Variants in KCND2 observed in about 807,000 individuals in gnomAD.
The protein encoded by KCND2 is potassium voltage-gated channel subfamily D member 2, also known as A-type voltage-gated potassium channel KCND2.
In KCND2, 16 loss-of-function variants were observed where a neutral mutation model predicts 54.4. The observed-to-expected ratio is 0.29, with a 90% CI of 0.20 to 0.45. KCND2 has a LOEUF of 0.45. Ranked by LOEUF, KCND2 falls within the 20% of genes least tolerant of loss-of-function variation. The pLI is 1.00. For missense variants in KCND2, 486 were observed against 824.2 expected (o/e 0.59, Z 5.02); for synonymous variants, 317 against 310.7 (o/e 1.02, Z -0.21).
intron 1 of KCND2, among the ~76,000 whole-genome samples, chr7:120,472,396 A>G (rs1438916345): frequency 2.0e-5 from 3 of 152,104 alleles, no homozygotes; most frequent in African/African-American, 7.2e-5. Context: ...ACCTGGATTT[A>G]GAGCTCATTG....
intron 1 of KCND2, among the ~76,000 whole-genome samples, chr7:120,449,718 A>G (rs972436122): frequency 2.6e-5 from 4 of 152,252 alleles, no homozygotes; most frequent in African/African-American, 7.2e-5. Context: ...AAGATCAGAA[A>G]GTCCTTAGTT....
In KCND2 at chr7:120,528,916, T is replaced by C. The variant is rs116252551; in HGVS notation, c.1116-203987T>C. 5.3e-3 allele frequency among the ~76,000 whole-genome samples: 812 copies of C among 152,322 alleles called. 4 individuals are homozygous for C. Among genetic ancestry groups the C allele is most frequent in the African/African-American group, 0.018 (748 of 41,576 alleles). On this transcript the variant is annotated intron_variant, in intron 1 of 5. Transcript: ENST00000331113. ...CATGTTTATAAACCTATATAGCTAA[T>C]TGCTTCCTACAGTTATTTTTTCTAC... is the stretch of plus-strand genomic sequence containing the variant.
intron 1 of KCND2, among the ~76,000 whole-genome samples, chr7:120,422,098 C>T (rs1291930398): frequency 6.6e-6 from 1 of 152,162 alleles, no homozygotes; most frequent in East Asian, 1.9e-4. Context: ...ATCCTCTCAT[C>T]TGGGCCTGAC....
chr7:120,510,076 A>C (rs1424575768), intron 1 of KCND2, among the ~76,000 whole-genome samples: 1 of 152,116 alleles, frequency 6.6e-6, no homozygotes, highest in Non-Finnish European at 1.5e-5. Flanking sequence ...ATGTGACACA[A>C]ATCCCCTAGT....
At chr7:120,619,746 C>A (rs1028363078) in intron 1 of KCND2, among the ~76,000 whole-genome samples, 27 of 152,162 alleles carry the variant, frequency 1.8e-4, no homozygotes, top group African/African-American at 6.3e-4. Flanking sequence ...AATGAAACAA[C>A]CAGAATATAG....
At chr7:120,562,353 G>A (rs981723048) in intron 1 of KCND2, among the ~76,000 whole-genome samples, 3 of 152,106 alleles carry the variant, frequency 2.0e-5, no homozygotes, top group East Asian at 1.9e-4. Context: ...CATGTTTCAC[G>A]GTATTGACTT....
intron 1 of KCND2, among the ~76,000 whole-genome samples, chr7:120,515,236 A>G (rs1803179292): frequency 6.6e-6 from 1 of 151,686 alleles, no homozygotes; most frequent in African/African-American, 2.4e-5. Context: ...CTTCACTGTC[A>G]CCTCACATCA....
In KCND2 at chr7:120,354,021, A is replaced by G. The variant is rs577017891; in HGVS notation, c.1115+78274A>G. Among the ~76,000 whole-genome samples, 29 of 152,244 alleles carry G rather than the reference A, an allele frequency of 1.9e-4. No individual in the cohort carries two copies. In the East Asian group the frequency reaches 3.9e-3, roughly 20 times the overall value. ...TTAATATTTTGTGTGACAAAATGGG[A>G]AATATACGTAGAGTACTTCTGCTTC... is the stretch of plus-strand genomic sequence containing the variant. On this transcript the variant is annotated intron_variant, in intron 1 of 5. Transcript: ENST00000331113.
chr7:120,388,371 GCT>G (rs765015392), intron 1 of KCND2, among the ~76,000 whole-genome samples: 60 of 152,128 alleles, frequency 3.9e-4, no homozygotes, highest in Non-Finnish European at 7.6e-4. Flanking sequence ...TTAATTCATA[GCT>G]CTCTATTCAG....
intron 1 of KCND2, among the ~76,000 whole-genome samples, chr7:120,518,545 T>G (rs908942786): frequency 1.3e-5 from 2 of 152,146 alleles, no homozygotes; most frequent in Admixed American, 1.3e-4. Context: ...TAGAATGAGA[T>G]TCAAGAATAA....
intron 1 of KCND2, among the ~76,000 whole-genome samples, chr7:120,629,605 A>G (rs1793207956): frequency 6.6e-6 from 1 of 152,248 alleles, no homozygotes; most frequent in South Asian, 2.1e-4. Flanking sequence ...CAGACATATT[A>G]GAAATGAATT....
At chr7:120,356,740 A>G (rs1277854265) in intron 1 of KCND2, among the ~76,000 whole-genome samples, 1 of 152,142 alleles carries the variant, frequency 6.6e-6, no homozygotes, top group Non-Finnish European at 1.5e-5. Flanking sequence ...TTTATCCAGG[A>G]TGAACTAAGG....
chr7:120,419,448 G>A (rs761135241), intron 1 of KCND2, among the ~76,000 whole-genome samples: 19 of 152,068 alleles, frequency 1.2e-4, no homozygotes, highest in Non-Finnish European at 2.2e-4. Flanking sequence ...ATTTGTACTG[G>A]CAATGTGTTA....
intron 1 of KCND2, among the ~76,000 whole-genome samples, chr7:120,540,771 T>C (rs1177827466): frequency 1.3e-5 from 2 of 152,180 alleles, no homozygotes; most frequent in African/African-American, 4.8e-5. Context: ...AAAATAAATG[T>C]TCACATGTTT....
At chr7:120,587,117 T>C (rs1357259747) in intron 1 of KCND2, among the ~76,000 whole-genome samples, 4 of 152,184 alleles carry the variant, frequency 2.6e-5, no homozygotes, top group Non-Finnish European at 4.4e-5. Context: ...TCTTGATGAC[T>C]GCATGCTGTA....
At chr7:120,369,744 A>G (rs1800740001) in intron 1 of KCND2, among the ~76,000 whole-genome samples, 1 of 152,032 alleles carries the variant, frequency 6.6e-6, no homozygotes, top group Admixed American at 6.6e-5. Context: ...AAGCTTTCAC[A>G]GTATGCTCAA....
chr7:120,409,473 C>T (rs535348693), intron 1 of KCND2, among the ~76,000 whole-genome samples: 1 of 151,822 alleles, frequency 6.6e-6, no homozygotes, highest in African/African-American at 2.4e-5. Flanking sequence ...GGTGCCAAAC[C>T]ACTTTCCCAA....
chr7:120,664,891 T>C (rs1470640348), intron 1 of KCND2, among the ~76,000 whole-genome samples: 1 of 152,056 alleles, frequency 6.6e-6, no homozygotes, highest in Non-Finnish European at 1.5e-5. Context: ...AGAAAAATAT[T>C]TACCAAGTTA....
intron 1 of KCND2, among the ~76,000 whole-genome samples, chr7:120,676,340 A>C (rs1792060268): frequency 6.6e-6 from 1 of 152,096 alleles, no homozygotes; most frequent in African/African-American, 2.4e-5. Context: ...CATTAACTGT[A>C]AACCCATTTT....
Sources: allele counts gnomAD v4.1 joint callset (sites outside exome capture counted in the v4.1 genomes callset), GRCh38; gene constraint gnomAD v4.1.1; transcripts MANE v1.5; gene names NCBI Gene and HGNC (gene_info 2026-07-23, HGNC 2026-07-21).